Variants in GRM5 observed in about 807,000 individuals in gnomAD.
The protein encoded by GRM5 is glutamate metabotropic receptor 5, also known as metabotropic glutamate receptor 5.
GRM5 carries 19 observed loss-of-function variants against 83.1 expected under a neutral mutation model. That is an observed-to-expected ratio of 0.23 (90% CI 0.16 to 0.34). The LOEUF is 0.34. Ranked by LOEUF, GRM5 falls within the 10% of genes least tolerant of loss-of-function variation. The pLI is 1.00. For missense variants in GRM5, 1,160 were observed against 1,588.3 expected (o/e 0.73, Z 4.58); for synonymous variants, 675 against 633.6 (o/e 1.07, Z -0.98).
At chr11:88,810,064 C>T (rs1432447907) in intron 3 of GRM5, among the ~76,000 whole-genome samples, 2 of 151,988 alleles carry the variant, frequency 1.3e-5, no homozygotes, top group African/African-American at 4.8e-5. Flanking sequence ...AAAGCTGTTA[C>T]AGTAGGACCT....
chr11:88,882,660 T>A (rs1290047485), intron 2 of GRM5, among the ~76,000 whole-genome samples: 1 of 152,260 alleles, frequency 6.6e-6, no homozygotes, highest in South Asian at 2.1e-4. Flanking sequence ...TTAATAAATA[T>A]GTCAGGCTAT....
intron 2 of GRM5, among the ~76,000 whole-genome samples, chr11:89,038,220 T>C (rs1338745663): frequency 6.6e-6 from 1 of 151,934 alleles, no homozygotes; most frequent in African/African-American, 2.4e-5. Flanking sequence ...GAAATCACAT[T>C]ACAAAGTCCC....
intron 4 of GRM5, among the ~76,000 whole-genome samples, chr11:88,631,455 G>A (rs1938968403): frequency 1.3e-5 from 2 of 151,976 alleles, no homozygotes; most frequent in African/African-American, 4.8e-5. Flanking sequence ...AAGCACAATC[G>A]ATTGTAAGTG....
chr11:88,735,990 G>GAGTT (rs1365005777), intron 3 of GRM5, among the ~76,000 whole-genome samples: 2 of 151,990 alleles, frequency 1.3e-5, no homozygotes, highest in African/African-American at 4.8e-5. Flanking sequence ...TGTTCTCCCA[G>GAGTT]AGTTACAACA....
chr11:88,510,441 A>C (rs1941333475), intron 9 of GRM5, among the ~76,000 whole-genome samples: 1 of 152,218 alleles, frequency 6.6e-6, no homozygotes. Context: ...CTGACACAAT[A>C]GCTTCTGAAG....
chr11:88,953,615 G>A (rs1938526706), intron 2 of GRM5, among the ~76,000 whole-genome samples: 1 of 152,128 alleles, frequency 6.6e-6, no homozygotes, highest in Non-Finnish European at 1.5e-5. Context: ...CACTACCACA[G>A]TGCTCCATGG....
chr11:88,856,951 C>T (rs1206875854), intron 2 of GRM5, among the ~76,000 whole-genome samples: 1 of 152,058 alleles, frequency 6.6e-6, no homozygotes, highest in Non-Finnish European at 1.5e-5. Context: ...GCATACTGAT[C>T]TTTTTCACTC....
chr11:88,718,610 C>A (rs141806648), intron 3 of GRM5, among the ~76,000 whole-genome samples: 1 of 151,934 alleles, frequency 6.6e-6, no homozygotes, highest in African/African-American at 2.4e-5. Flanking sequence ...GCATTGTCAT[C>A]TTTTAATCCT....
intron 3 of GRM5, among the ~76,000 whole-genome samples, chr11:88,696,443 C>T (rs1045292986): frequency 6.6e-6 from 1 of 152,088 alleles, no homozygotes. Context: ...GGGACCCCAC[C>T]CTTCTCTACC....
chr11:88,645,677 A>G (rs1349472154), intron 4 of GRM5, among the ~76,000 whole-genome samples: 1 of 152,116 alleles, frequency 6.6e-6, no homozygotes, highest in Non-Finnish European at 1.5e-5. Flanking sequence ...TTTGAAACTA[A>G]TTTTTAGTAT....
At chr11:88,544,285 T>C (rs1439863297) in intron 8 of GRM5, among the ~76,000 whole-genome samples, 1 of 152,198 alleles carries the variant, frequency 6.6e-6, no homozygotes, top group Non-Finnish European at 1.5e-5. Context: ...ACCTGTTTAT[T>C]ATGATTGCTT....
chr11:88,816,746 CAA>C (rs34178436), intron 3 of GRM5, among the ~76,000 whole-genome samples: 19 of 122,406 alleles, frequency 1.6e-4, no homozygotes, highest in Admixed American at 3.3e-4. Flanking sequence ...CAGATTGGTC[CAA>C]AAAAAAAAAA....
intron 3 of GRM5, among the ~76,000 whole-genome samples, chr11:88,759,592 C>T (rs1353360944): frequency 6.6e-6 from 1 of 152,064 alleles, no homozygotes; most frequent in Non-Finnish European, 1.5e-5. Flanking sequence ...TCTTAGGGAC[C>T]TACAAAGGGA....
At chr11:88,669,004 C>T (rs1940124158) in intron 3 of GRM5, among the ~76,000 whole-genome samples, 1 of 152,120 alleles carries the variant, frequency 6.6e-6, no homozygotes, top group South Asian at 2.1e-4. Flanking sequence ...CAGTATGTAG[C>T]TTCCTCAAAA....
chr11:88,634,964 A>G (rs970875765), intron 4 of GRM5, among the ~76,000 whole-genome samples: 19 of 152,174 alleles, frequency 1.2e-4, no homozygotes, highest in African/African-American at 4.6e-4. Flanking sequence ...CGTTTACTGA[A>G]TCGTTATGTA....
chr11:88,789,010 G>A (rs72970334), intron 3 of GRM5, among the ~76,000 whole-genome samples: 7,326 of 152,190 alleles, frequency 0.048, 250 homozygotes, highest in Non-Finnish European at 0.079. Context: ...TCTTAAGGAA[G>A]GTGAGTAATC....
At chr11:88,853,809 T>A (rs1330442013) in intron 2 of GRM5, among the ~76,000 whole-genome samples, 2 of 151,690 alleles carry the variant, frequency 1.3e-5, no homozygotes, top group Non-Finnish European at 2.9e-5. Context: ...TTTATCCTGT[T>A]TTAGGGATAA....
At chr11:88,821,706 T>G (rs1943798254) in intron 3 of GRM5, among the ~76,000 whole-genome samples, 1 of 152,172 alleles carries the variant, frequency 6.6e-6, no homozygotes, top group South Asian at 2.1e-4. Context: ...CTTCTATAAT[T>G]CTACTGCTTT....
chr11:88,735,517 G>A (rs1435168938), intron 3 of GRM5, among the ~76,000 whole-genome samples: 1 of 151,986 alleles, frequency 6.6e-6, no homozygotes, highest in African/African-American at 2.4e-5. Context: ...CAGTCTCTGA[G>A]CCAAGGAAAT....
Sources: allele counts gnomAD v4.1 joint callset (sites outside exome capture counted in the v4.1 genomes callset), GRCh38; gene constraint gnomAD v4.1.1; transcripts MANE v1.5; gene names NCBI Gene and HGNC (gene_info 2026-07-23, HGNC 2026-07-21).